CTIF: variants seen among roughly 807,000 people sequenced by gnomAD.
The protein encoded by CTIF is CBP80/20-dependent translation initiation factor.
A neutral mutation model predicts 66.0 loss-of-function variants in CTIF; 21 were observed. The observed-to-expected ratio is 0.32, with a 90% CI of 0.23 to 0.46. The LOEUF (loss-of-function observed/expected upper bound fraction) is 0.46, where lower values mean the gene tolerates loss of function less well. Among genes scored for constraint, CTIF ranks in the 20% least tolerant of loss-of-function variants. The pLI is 1.00. For synonymous variants in CTIF, 345 were observed against 326.4 expected (o/e 1.06, Z -0.62); for missense variants, 739 against 812.7 (o/e 0.91, Z 1.10).
intron 9 of CTIF, among the ~76,000 whole-genome samples, chr18:48,802,605 A>G (rs1161734116): frequency 5.9e-5 from 9 of 152,252 alleles, no homozygotes; most frequent in Non-Finnish European, 8.8e-5. Context: ...GGGCAGAGCC[A>G]GGAAAGCTGC....
chr18:48,711,505 C>G (rs9961428), intron 6 of CTIF, 114 bp from the exon 7 acceptor site: 6 of 806,284 alleles, frequency 7.4e-6, no homozygotes, highest in African/African-American at 5.2e-5. Context: ...CTAGTCTCTC[C>G]AAACTCTTGA....
intron 1 of CTIF, among the ~76,000 whole-genome samples, chr18:48,555,033 T>C (rs971015796): frequency 5.3e-5 from 8 of 152,130 alleles, no homozygotes; most frequent in Non-Finnish European, 8.8e-5. Flanking sequence ...TCCCTTAAGG[T>C]TTCTCTGGAT....
At chr18:48,821,501 G>T (rs1163477861) in intron 10 of CTIF, among the ~76,000 whole-genome samples, 2 of 152,368 alleles carry the variant, frequency 1.3e-5, no homozygotes, top group East Asian at 3.9e-4. Context: ...CAGAGCAGGG[G>T]CTACTCTGTT....
chr18:48,824,872 C>T (rs571531626), intron 10 of CTIF, among the ~76,000 whole-genome samples: 2 of 152,312 alleles, frequency 1.3e-5, no homozygotes, highest in African/African-American at 2.4e-5. Flanking sequence ...AAACTCCTGA[C>T]CTCAGGTGAT....
At chr18:48,773,043 G>C (rs1399831115) in intron 9 of CTIF, among the ~76,000 whole-genome samples, 1 of 152,188 alleles carries the variant, frequency 6.6e-6, no homozygotes, top group African/African-American at 2.4e-5. Flanking sequence ...GTCTATAAGG[G>C]GGACCGACTA....
chr18:48,762,995 G>C (rs1909158789), intron 9 of CTIF, among the ~76,000 whole-genome samples: 1 of 152,180 alleles, frequency 6.6e-6, no homozygotes, highest in African/African-American at 2.4e-5. Context: ...TCCCATTCCT[G>C]GATCGCCCGC....
intron 1 of CTIF, among the ~76,000 whole-genome samples, chr18:48,618,825 T>C (rs2090442068): frequency 6.6e-6 from 1 of 152,238 alleles, no homozygotes; most frequent in South Asian, 2.1e-4. Flanking sequence ...GGGTTAGTCA[T>C]GCCCCTGTAA....
intron 1 of CTIF, among the ~76,000 whole-genome samples, chr18:48,593,381 T>C (rs1307451479): frequency 1.3e-5 from 2 of 151,566 alleles, no homozygotes; most frequent in African/African-American, 4.9e-5. Flanking sequence ...AAATCTTTTT[T>C]TTTTCTTTTT....
At chr18:48,824,468 A>G (rs1342773463) in intron 10 of CTIF, among the ~76,000 whole-genome samples, 4 of 151,820 alleles carry the variant, frequency 2.6e-5, no homozygotes, top group Admixed American at 1.3e-4. Context: ...TGACCCTACA[A>G]TGCTCTCCAC....
At chr18:48,694,770 T>A (rs1015981775) in intron 6 of CTIF, among the ~76,000 whole-genome samples, 3 of 152,232 alleles carry the variant, frequency 2.0e-5, no homozygotes, top group African/African-American at 4.8e-5. Flanking sequence ...GTACAACCAG[T>A]CTCCTTAAAG....
At chr18:48,811,242 G>A (rs938837964) in intron 9 of CTIF, among the ~76,000 whole-genome samples, 5 of 151,932 alleles carry the variant, frequency 3.3e-5, no homozygotes, top group Admixed American at 2.0e-4. Context: ...TGATTCCATT[G>A]TATAACCAAA....
intron 9 of CTIF, among the ~76,000 whole-genome samples, chr18:48,794,986 C>T (rs908402308): frequency 3.9e-5 from 6 of 152,246 alleles, no homozygotes; most frequent in African/African-American, 1.4e-4. Flanking sequence ...ATAGACTCCA[C>T]ATTAGCTGGC....
At chr18:48,568,817 T>A (rs2089344501) in intron 1 of CTIF, among the ~76,000 whole-genome samples, 1 of 151,958 alleles carries the variant, frequency 6.6e-6, no homozygotes, top group Non-Finnish European at 1.5e-5. Context: ...TCAGATCTCG[T>A]GAGACTTATT....
At chr18:48,688,870 G>C (rs970748273) in intron 6 of CTIF, among the ~76,000 whole-genome samples, 5 of 152,240 alleles carry the variant, frequency 3.3e-5, no homozygotes, top group Non-Finnish European at 7.3e-5. Context: ...CTGTAGAGAG[G>C]AAAGAGGGGG....
intron 1 of CTIF, among the ~76,000 whole-genome samples, chr18:48,601,570 C>T (rs1568063474): frequency 6.6e-6 from 1 of 152,178 alleles, no homozygotes; most frequent in Non-Finnish European, 1.5e-5. Flanking sequence ...GGGGACCAGC[C>T]TGTGGGGAGT....
At chr18:48,753,355 C>T (rs1044139467) in intron 7 of CTIF, among the ~76,000 whole-genome samples, 1 of 152,118 alleles carries the variant, frequency 6.6e-6, no homozygotes, top group Non-Finnish European at 1.5e-5. Context: ...AAATAAAAAA[C>T]GAACAGAGGG....
rs186514711 is a variant in CTIF at position 48,693,338 on chromosome 18, T to C, written c.508-18281T>C. On this transcript the variant is annotated intron_variant, in intron 6 of 11. Transcript: ENST00000256413. ...AAATACTCACTTTTTCTCCTTTTAG[T>C]CTGAGGCAGTGGTTCTCGACCACGT... is the stretch of plus-strand genomic sequence containing the variant. Among the ~76,000 whole-genome samples, 181 of 152,294 alleles carry C rather than the reference T, an allele frequency of 1.2e-3. 1 individual carries two copies. The highest frequency in any genetic ancestry group is 3.3e-3 in the African/African-American group (137 of 41,560).
chr18:48,612,180 G>A (rs73443348), intron 1 of CTIF, among the ~76,000 whole-genome samples: 13 of 152,350 alleles, frequency 8.5e-5, no homozygotes, highest in Admixed American at 1.3e-4. Flanking sequence ...CTTGAGGGCC[G>A]CAGACTGTCG....
At chr18:48,664,678 T>G in intron 5 of CTIF, 127 bp downstream of exon 5, 1 of 736,558 alleles carries the variant, frequency 1.4e-6, no homozygotes, top group Admixed American at 2.4e-5. Context: ...GATGCTCTTC[T>G]TATGCGTCCC....
Sources: allele counts gnomAD v4.1 joint callset (sites outside exome capture counted in the v4.1 genomes callset), GRCh38; gene constraint gnomAD v4.1.1; transcripts MANE v1.5; gene names NCBI Gene and HGNC (gene_info 2026-07-23, HGNC 2026-07-21).